NEK1: variants seen among roughly 807,000 people sequenced by gnomAD.
NEK1 encodes NIMA related kinase 1.
Under a neutral mutation model 182.1 loss-of-function variants are expected in NEK1, and 137 were observed. That is an observed-to-expected ratio of 0.75 (90% CI 0.65 to 0.87). The LOEUF is 0.87. Ranked by LOEUF, NEK1 falls within the 40% of genes least tolerant of loss-of-function variation. The pLI is 0.00. For missense variants in NEK1, 1,391 were observed against 1,494.4 expected, an observed-to-expected ratio of 0.93 and a Z score of 1.14; for synonymous variants, 513 against 492.2, an observed-to-expected ratio of 1.04 and a Z score of -0.56.
intron 26 of NEK1, among the ~76,000 whole-genome samples, chr4:169,474,490 T>C (rs1261223792): frequency 6.6e-6 from 1 of 152,216 alleles, no homozygotes; most frequent in Admixed American, 6.6e-5. Flanking sequence ...AACTCTCTTT[T>C]TAAATTTCCT....
intron 29 of NEK1, among the ~76,000 whole-genome samples, chr4:169,427,971 C>T (rs1483725952): frequency 6.6e-6 from 1 of 151,128 alleles, no homozygotes; most frequent in Non-Finnish European, 1.5e-5. Context: ...ATTACAGGCA[C>T]ATGCAACCAT....
At chr4:169,590,166 G>A (rs989767857) in intron 6 of NEK1, among the ~76,000 whole-genome samples, 3 of 152,126 alleles carry the variant, frequency 2.0e-5, no homozygotes, top group African/African-American at 7.2e-5. Flanking sequence ...AAAATTGCCA[G>A]GCATGGTGGC....
At chr4:169,408,347 C>T (rs1018889417) in intron 31 of NEK1, among the ~76,000 whole-genome samples, 1 of 152,208 alleles carries the variant, frequency 6.6e-6, no homozygotes, top group Non-Finnish European at 1.5e-5. Flanking sequence ...ATAAGCCCTT[C>T]ATGTTCACAG....
intron 12 of NEK1, among the ~76,000 whole-genome samples, chr4:169,567,827 C>T (rs1417340915): frequency 6.6e-6 from 1 of 152,198 alleles, no homozygotes; most frequent in Non-Finnish European, 1.5e-5. Context: ...AAATTCAAAA[C>T]ATTTATAACT....
intron 32 of NEK1, among the ~76,000 whole-genome samples, chr4:169,402,167 T>C (rs1181430441): frequency 6.6e-6 from 1 of 152,210 alleles, no homozygotes. Context: ...ATGTTACTCA[T>C]TGCTTAAATT....
chr4:169,511,819 T>C (rs1299375230), intron 19 of NEK1, among the ~76,000 whole-genome samples: 1 of 152,098 alleles, frequency 6.6e-6, no homozygotes, highest in Non-Finnish European at 1.5e-5. Context: ...CTGTTCTCCA[T>C]CTTGATAATT....
At chr4:169,468,818 G>A (rs1050436671) in intron 26 of NEK1, among the ~76,000 whole-genome samples, 1 of 152,068 alleles carries the variant, frequency 6.6e-6, no homozygotes, top group East Asian at 1.9e-4. Flanking sequence ...TATTTTCAGG[G>A]ATTCGACTTC....
chr4:169,511,339 C>A (rs1035869555), intron 19 of NEK1, among the ~76,000 whole-genome samples: 1 of 151,940 alleles, frequency 6.6e-6, no homozygotes, highest in Non-Finnish European at 1.5e-5. Flanking sequence ...ATAAGCAGCG[C>A]TGGGCAAAGA....
At chr4:169,604,466 A>C (rs1261223006) in intron 2 of NEK1, among the ~76,000 whole-genome samples, 1 of 152,218 alleles carries the variant, frequency 6.6e-6, no homozygotes, top group Non-Finnish European at 1.5e-5. Context: ...ATAAACATTT[A>C]ATTCACCTAG....
chr4:169,417,958 A>C (rs1480155582), intron 31 of NEK1, among the ~76,000 whole-genome samples: 1 of 152,234 alleles, frequency 6.6e-6, no homozygotes, highest in African/African-American at 2.4e-5. Context: ...CATTAAAATA[A>C]AACAAAAAAA....
At chr4:169,609,736 T>C (rs1294745919) in intron 2 of NEK1, among the ~76,000 whole-genome samples, 1 of 152,196 alleles carries the variant, frequency 6.6e-6, no homozygotes, top group Non-Finnish European at 1.5e-5. Flanking sequence ...TTTCAATCTT[T>C]TGTACTTTCT....
intron 10 of NEK1, among the ~76,000 whole-genome samples, chr4:169,582,403 C>G (rs558211042): frequency 1.4e-4 from 22 of 152,264 alleles, no homozygotes; most frequent in Admixed American, 1.4e-3. Flanking sequence ...TGTGGTGAGA[C>G]TCAGCAATGC....
intron 18 of NEK1, among the ~76,000 whole-genome samples, chr4:169,539,094 G>A (rs980031235): frequency 9.9e-5 from 15 of 152,068 alleles, no homozygotes; most frequent in Admixed American, 6.6e-5. Context: ...TAGCTGGTTT[G>A]AAGGCCTATT....
intron 12 of NEK1, among the ~76,000 whole-genome samples, chr4:169,564,456 T>C (rs1580796991): frequency 6.6e-6 from 1 of 152,110 alleles, no homozygotes; most frequent in Admixed American, 6.6e-5. Flanking sequence ...TTATATATTA[T>C]CCTGTGCTTC....
Position 169,479,363 on chromosome 4 carries a change from T to A in NEK1, c.2139+40A>T, listed in dbSNP as rs202041020. On this transcript the variant is annotated intron_variant, in intron 24 of 35. Transcript: ENST00000507142. ...TTAAATTTAATTTCCTTTTAAATAA[T>A]CTTTTGACTTTGAGGAGTTCTGAAT... 29 of 1,562,232 alleles carry A rather than the reference T, an allele frequency of 1.9e-5. No homozygotes were observed. The East Asian group carries it at 6.3e-4, about 34-fold the overall frequency.
chr4:169,535,925 A>G (rs1019915911), intron 19 of NEK1, among the ~76,000 whole-genome samples: 2 of 151,816 alleles, frequency 1.3e-5, no homozygotes, highest in African/African-American at 4.8e-5. Flanking sequence ...TGGATGAAAA[A>G]TTTCCAGATT....
At chr4:169,501,225 C>A (rs1309643531) in intron 23 of NEK1, among the ~76,000 whole-genome samples, 1 of 152,026 alleles carries the variant, frequency 6.6e-6, no homozygotes, top group African/African-American at 2.4e-5. Flanking sequence ...ATGTACATGC[C>A]CAACACTTGA....
intron 31 of NEK1, among the ~76,000 whole-genome samples, chr4:169,422,093 A>G (rs979951200): frequency 2.6e-5 from 4 of 152,214 alleles, no homozygotes; most frequent in African/African-American, 7.2e-5. Flanking sequence ...TGAACTCTGA[A>G]AAGCTAAGAA....
intron 23 of NEK1, among the ~76,000 whole-genome samples, chr4:169,494,147 G>C (rs574848876): frequency 6.6e-6 from 1 of 150,492 alleles, no homozygotes; most frequent in Non-Finnish European, 1.5e-5. Context: ...TGTGCACAAC[G>C]TGCAGGTTTG....
Sources: allele counts gnomAD v4.1 joint callset (sites outside exome capture counted in the v4.1 genomes callset), GRCh38; gene constraint gnomAD v4.1.1; transcripts MANE v1.5; gene names NCBI Gene and HGNC (gene_info 2026-07-23, HGNC 2026-07-21).